SLCO3A1: variants seen among roughly 807,000 people sequenced by gnomAD.
SLCO3A1 encodes PGE1 transporter.
SLCO3A1 carries 27 observed loss-of-function variants against 63.1 expected under a neutral mutation model. The observed-to-expected ratio is 0.43, with a 90% CI of 0.32 to 0.59. The LOEUF is 0.59. Ranked by LOEUF, SLCO3A1 falls within the 20% of genes least tolerant of loss-of-function variation. The pLI, the probability that SLCO3A1 is intolerant of heterozygous loss-of-function variation, is 0.09. For missense variants in SLCO3A1, 773 were observed against 945.8 expected (o/e 0.82, Z 2.40); for synonymous variants, 473 against 409.9 (o/e 1.15, Z -1.86).
chr15:91,956,974 ATAGTATATATAATATATAGTATATAT>A (rs1900208687), intron 2 of SLCO3A1, among the ~76,000 whole-genome samples: 1 of 38,506 alleles, frequency 2.6e-5, no homozygotes, highest in Non-Finnish European at 3.8e-5. Context: ...ATATATATAT[ATAGTATATATAATATATAGTATATAT>A]TATATATATA....
At chr15:92,135,360 G>A (rs796600375) in intron 7 of SLCO3A1, among the ~76,000 whole-genome samples, 2 of 152,288 alleles carry the variant, frequency 1.3e-5, no homozygotes, top group East Asian at 3.9e-4. Context: ...TCAGGCTCAC[G>A]CGCCACAGGT....
rs1897096567 is a variant in SLCO3A1 at position 91,863,539 on chromosome 15, C to CA, written c.180+9452dup. Among the ~76,000 whole-genome samples, 1 of 152,210 alleles carries CA rather than the reference C, an allele frequency of 6.6e-6. No individual in the cohort carries two copies. The highest frequency in any genetic ancestry group is 2.4e-5 in the African/African-American group (1 of 41,450). Reference sequence around the variant, plus strand: ...TGTCTTGTGGGATGCTTTGCATAAGCAGCATGTATTCCAGTGTGGCACATC... The same window carrying CA: ...TGTCTTGTGGGATGCTTTGCATAAGCAAGCATGTATTCCAGTGTGGCACATC... On this transcript the variant is annotated intron_variant, in intron 1 of 9. Transcript: ENST00000318445. The surrounding 1 kb of genome is among the most constrained non-coding windows in gnomAD (Gnocchi z 4.3).
intron 2 of SLCO3A1, among the ~76,000 whole-genome samples, chr15:92,067,737 G>T (rs1275512429): frequency 6.6e-6 from 1 of 152,198 alleles, no homozygotes; most frequent in Non-Finnish European, 1.5e-5. Flanking sequence ...AGCCGGCTTG[G>T]AAGGAATCAC....
At chr15:91,927,721 A>G (rs912341171) in intron 2 of SLCO3A1, among the ~76,000 whole-genome samples, 4 of 152,160 alleles carry the variant, frequency 2.6e-5, no homozygotes, top group Non-Finnish European at 4.4e-5. Flanking sequence ...GCAAGATGCT[A>G]TTACCATAAG....
rs1003537555 is a variant in SLCO3A1, at chr15:92,123,830, C to T, written c.1175-2231C>T. Among the ~76,000 whole-genome samples, 39 of 152,156 alleles carry T rather than the reference C, an allele frequency of 2.6e-4. 1 individual carries two copies. Among genetic ancestry groups the T allele is most frequent in the Admixed American group, 1.3e-3 (20 of 15,274 alleles). On this transcript the variant is annotated intron_variant, in intron 5 of 9. Transcript: ENST00000318445. ...CAGAACAGATGCCTACATCTTCTAT[C>T]GACAAACAAATCAATAGTCTTCAGG... is the stretch of plus-strand genomic sequence containing the variant.
intron 3 of SLCO3A1, among the ~76,000 whole-genome samples, chr15:92,099,848 G>A (rs2047583307): frequency 6.6e-6 from 1 of 152,092 alleles, no homozygotes; most frequent in South Asian, 2.1e-4. Context: ...GATCACCTGA[G>A]GTCAGGAGTT....
intron 2 of SLCO3A1, among the ~76,000 whole-genome samples, chr15:92,052,699 G>A (rs977752269): frequency 1.3e-5 from 2 of 152,186 alleles, no homozygotes; most frequent in Non-Finnish European, 2.9e-5. Flanking sequence ...GTCCCAGATA[G>A]TAGCCACTCT....
rs140635198 is a variant in SLCO3A1, at chr15:91,916,073, C to T, written c.261C>T (p.Ile87=). The T allele has an allele frequency of 5.0e-6, 8 of 1,613,108 alleles. No homozygotes were observed. Among genetic ancestry groups the T allele is most frequent in the African/African-American group, 2.7e-5 (2 of 74,940 alleles). Residue 87 remains isoleucine (I), a synonymous_variant, in exon 2 of 10, where the codon ATC becomes ATT. Coordinates refer to ENST00000318445, the MANE Select transcript of SLCO3A1 (RefSeq NM_013272.4). This position sits in a 1 kb window ranked among gnomAD's most constrained non-coding sequence, Gnocchi z 6.2. ...GTGTGATCGCTAGCAGCTTCGAGAT[C>T]GGGAACCTGGCGCTCATCCTCTTCG... is the stretch of plus-strand genomic sequence containing the variant. The part of the protein sequence containing the change: ...DVGVIASSFE[I]GNLALILFVS...
At chr15:92,092,316 C>T (rs12439466) in intron 2 of SLCO3A1, among the ~76,000 whole-genome samples, 2,140 of 152,038 alleles carry the variant, frequency 0.014, 112 homozygotes, top group Admixed American at 0.091. Context: ...GGATCAGTGA[C>T]GAATACATTG....
intron 1 of SLCO3A1, among the ~76,000 whole-genome samples, chr15:91,915,287 A>G (rs1231238514): frequency 2.0e-5 from 3 of 152,142 alleles, no homozygotes; most frequent in Non-Finnish European, 2.9e-5. Flanking sequence ...GTATATGTTT[A>G]ACAAACATAG....
chr15:92,001,150 A>T (rs919056228), intron 2 of SLCO3A1, among the ~76,000 whole-genome samples: 1 of 147,310 alleles, frequency 6.8e-6, no homozygotes, highest in African/African-American at 2.5e-5. Flanking sequence ...TTACAACCTT[A>T]AACCATTTTC....
At chr15:92,142,919 C>G (rs980394825) in intron 7 of SLCO3A1, among the ~76,000 whole-genome samples, 4 of 152,038 alleles carry the variant, frequency 2.6e-5, no homozygotes, top group South Asian at 2.1e-4. Context: ...AAAAATAAGA[C>G]CAAGACACAG....
At chr15:92,049,020 A>G (rs1284543117) in intron 2 of SLCO3A1, among the ~76,000 whole-genome samples, 5 of 152,246 alleles carry the variant, frequency 3.3e-5, no homozygotes, top group Non-Finnish European at 1.5e-5. Flanking sequence ...TGGAGAGGTT[A>G]TATGTGAAAG....
chr15:92,013,396 G>A (rs2046391083), intron 2 of SLCO3A1, among the ~76,000 whole-genome samples: 1 of 152,224 alleles, frequency 6.6e-6, no homozygotes, highest in Admixed American at 6.5e-5. Flanking sequence ...CTTTGGGCCA[G>A]GTGCTGTGTT....
At chr15:92,079,640 G>T (rs34044069) in intron 2 of SLCO3A1, among the ~76,000 whole-genome samples, 3 of 152,130 alleles carry the variant, frequency 2.0e-5, no homozygotes, top group East Asian at 1.9e-4. Context: ...AGGTTCCCGC[G>T]GCCAGGGCTT....
intron 2 of SLCO3A1, among the ~76,000 whole-genome samples, chr15:91,973,121 AAAG>A (rs1338224714): frequency 1.3e-5 from 2 of 152,246 alleles, no homozygotes; most frequent in Non-Finnish European, 2.9e-5. Flanking sequence ...CTCAAAAAGA[AAAG>A]AAAAGGGCAA....
At chr15:92,159,245 G>A (rs2048407157) in intron 9 of SLCO3A1, among the ~76,000 whole-genome samples, 1 of 152,156 alleles carries the variant, frequency 6.6e-6, no homozygotes. Context: ...CCAGCACTTT[G>A]GGAGGCTGAG....
intron 2 of SLCO3A1, among the ~76,000 whole-genome samples, chr15:91,971,394 C>CCAAAAAAAAAAAAAAAA (rs1900859346): frequency 2.5e-5 from 1 of 39,388 alleles, no homozygotes; most frequent in African/African-American, 8.5e-5. Flanking sequence ...GACTCCATCT[C>CCAAAAAAAAAAAAAAAA]AAAAAAAAAA....
chr15:92,116,755 A>G lies in SLCO3A1; in HGVS notation c.1010-3710A>G, dbSNP rs1158980424. 3.9e-5 allele frequency among the ~76,000 whole-genome samples: 6 copies of G among 152,338 alleles called. No homozygotes were observed. In the South Asian group the frequency reaches 1.2e-3, roughly 32 times the overall value. ...AACTAGGGTTTTGGAAGGTAGGCTG[A>G]ACCTTTGAAAAGCAATCATCTTTTG... On this transcript the variant is annotated intron_variant, in intron 4 of 9. Transcript: ENST00000318445.
Sources: gnomAD v4.1 joint callset for allele counts (sites outside exome capture counted in the v4.1 genomes callset) on GRCh38, gnomAD v4.1.1 for gene constraint, Gnocchi (gnomAD v3.1) non-coding constraint, MANE v1.5 for transcripts, NCBI Gene and HGNC (gene_info 2026-07-23, HGNC 2026-07-21) for gene names.